GRIA3: variants seen among roughly 807,000 people sequenced by gnomAD.
GRIA3 encodes glutamate ionotropic receptor AMPA type subunit 3.
Under a neutral mutation model 63.0 loss-of-function variants are expected in GRIA3, and 3 were observed. That is an observed-to-expected ratio of 0.05 (90% CI 0.02 to 0.12). GRIA3 has a LOEUF of 0.12. Ranked by LOEUF, GRIA3 falls within the 10% of genes least tolerant of loss-of-function variation. The probability of loss-of-function intolerance (pLI) is 1.00; values close to 1 mark genes in which losing one functional copy is unlikely to be tolerated. For synonymous variants in GRIA3, 274 were observed against 257.9 expected (o/e 1.06, Z -0.60); for missense variants, 347 against 700.9 (o/e 0.50, Z 5.70).
intron 12 of GRIA3, among the ~76,000 whole-genome samples, chrX:123,449,006 G>A (rs2045716811): frequency 8.9e-6 from 1 of 112,152 alleles, no homozygotes; most frequent in African/African-American, 3.2e-5. Context: ...TCTCAGTGAG[G>A]TTGAATTATT....
At chrX:123,268,965 A>G (rs1282951863) in intron 3 of GRIA3, among the ~76,000 whole-genome samples, 3 of 112,286 alleles carry the variant, frequency 2.7e-5, no homozygotes, top group Non-Finnish European at 5.6e-5. Context: ...ACTGCTCTGT[A>G]TATAAGTGAT....
At chrX:123,336,730 C>T (rs1211045623) in intron 4 of GRIA3, among the ~76,000 whole-genome samples, 3 of 111,846 alleles carry the variant, frequency 2.7e-5, no homozygotes, top group South Asian at 3.8e-4. Context: ...ATTAAGCCAA[C>T]GACTAGCAAT....
chrX:123,280,288 T>C (rs1426076320), intron 3 of GRIA3, among the ~76,000 whole-genome samples: 1 of 112,385 alleles, frequency 8.9e-6, no homozygotes, highest in Non-Finnish European at 1.9e-5. Flanking sequence ...TTTCTTCTTT[T>C]CACTATAGTC....
intron 2 of GRIA3, among the ~76,000 whole-genome samples, chrX:123,224,503 C>G (rs2044235077): frequency 8.9e-6 from 1 of 111,824 alleles, no homozygotes; most frequent in Non-Finnish European, 1.9e-5. Flanking sequence ...ACCTATTCTC[C>G]TCGTTTTTTT....
chrX:123,192,720 G>A (rs1179427164), intron 2 of GRIA3, among the ~76,000 whole-genome samples: 1 of 111,715 alleles, frequency 9.0e-6, no homozygotes, highest in Non-Finnish European at 1.9e-5. Flanking sequence ...GTGCAGGGGA[G>A]CAAGGATAAG....
At chrX:123,409,484 T>C (rs765385157) in intron 10 of GRIA3, among the ~76,000 whole-genome samples, 3 of 111,795 alleles carry the variant, frequency 2.7e-5, no homozygotes, top group Admixed American at 9.5e-5. Flanking sequence ...CAAACCTCAG[T>C]AGGACACAAT....
At chrX:123,304,732 A>G (rs1353510352) in intron 3 of GRIA3, among the ~76,000 whole-genome samples, 1 of 112,238 alleles carries the variant, frequency 8.9e-6, no homozygotes, top group Non-Finnish European at 1.9e-5. Flanking sequence ...TAGTTTGAAG[A>G]ATTAAATAAA....
chrX:123,186,895 A>G (rs1393089592), intron 2 of GRIA3, among the ~76,000 whole-genome samples: 1 of 112,183 alleles, frequency 8.9e-6, no homozygotes, highest in Non-Finnish European at 1.9e-5. Flanking sequence ...AAAAGGGGAC[A>G]TTTTGTAAAA....
At chrX:123,457,610 T>C (rs1181675113) in intron 12 of GRIA3, among the ~76,000 whole-genome samples, 2 of 112,664 alleles carry the variant, frequency 1.8e-5, no homozygotes, top group South Asian at 3.7e-4. Context: ...GGAATAGAGA[T>C]GTTACAAACA....
intron 2 of GRIA3, among the ~76,000 whole-genome samples, chrX:123,248,584 G>C (rs1040258425): frequency 9.0e-6 from 1 of 111,174 alleles, no homozygotes; most frequent in Non-Finnish European, 1.9e-5. Flanking sequence ...TCGGGAGTTC[G>C]AGACCAGCCT....
intron 2 of GRIA3, among the ~76,000 whole-genome samples, chrX:123,201,837 G>C (rs1435877345): frequency 1.8e-5 from 2 of 111,774 alleles, no homozygotes; most frequent in East Asian, 5.6e-4. Context: ...TTTATTCCAG[G>C]TGAGAAAAGT....
chrX:123,196,282 C>G (rs974728601), intron 2 of GRIA3, among the ~76,000 whole-genome samples: 2 of 111,710 alleles, frequency 1.8e-5, no homozygotes, highest in African/African-American at 6.5e-5. Flanking sequence ...CTAACCCAAT[C>G]TGGTCATTGA....
chrX:123,451,679 G>T (rs1340294601), intron 12 of GRIA3, among the ~76,000 whole-genome samples: 1 of 109,203 alleles, frequency 9.2e-6, no homozygotes, highest in East Asian at 2.9e-4. Context: ...AGGCCAAAGA[G>T]AGGAGTCAAG....
At chrX:123,293,878 G>A (rs1471365508) in intron 3 of GRIA3, among the ~76,000 whole-genome samples, 1 of 110,226 alleles carries the variant, frequency 9.1e-6, no homozygotes, top group African/African-American at 3.3e-5. Context: ...TTAAGACATT[G>A]AGGCATAGAG....
Position 123,465,059 on chromosome X carries a change from A to C in GRIA3, c.2271A>C (p.Gly757=). 8.3e-7 allele frequency: 1 copy of C among 1,209,274 alleles called. No homozygotes were observed. The highest frequency in any genetic ancestry group is 1.1e-6 in the Non-Finnish European group (1 of 893,283). ...RKPCDTMKVG[G]NLDSKGYGVA... ...CATGTGATACGATGAAAGTTGGTGG[A>C]AATCTGGATTCCAAAGGCTATGGTG... Residue 757 remains glycine, a synonymous_variant, in exon 13 of 16, where the codon GGA becomes GGC. Transcript: ENST00000620443.
At chrX:123,317,949 G>A (rs753892598) in intron 3 of GRIA3, among the ~76,000 whole-genome samples, 1 of 112,888 alleles carries the variant, frequency 8.9e-6, no homozygotes, top group South Asian at 3.6e-4. Flanking sequence ...GGGCATCCAG[G>A]CATTTCCATA....
chrX:123,259,222 G>A (rs5958203), intron 3 of GRIA3, among the ~76,000 whole-genome samples: 4,744 of 111,149 alleles, frequency 0.043, 258 homozygotes, highest in African/African-American at 0.15. Flanking sequence ...AAGGAGAAAA[G>A]GGCCTGTCCT....
intron 15 of GRIA3, among the ~76,000 whole-genome samples, chrX:123,485,734 CTCTT>C (rs1398813244): frequency 8.9e-6 from 1 of 111,931 alleles, no homozygotes; most frequent in African/African-American, 3.3e-5. Context: ...GACCTCCAGA[CTCTT>C]TATCAACGAT....
intron 8 of GRIA3, 57 bp from the exon 9 acceptor site, chrX:123,403,355 T>C: frequency 2.6e-6 from 2 of 780,081 alleles, no homozygotes; most frequent in South Asian, 4.1e-5. Context: ...TTCAATTTCA[T>C]GCAGTACTTT....
Sources: gnomAD v4.1 joint callset for allele counts (sites outside exome capture counted in the v4.1 genomes callset) on GRCh38, gnomAD v4.1.1 for gene constraint, MANE v1.5 for transcripts, NCBI Gene and HGNC (gene_info 2026-07-23, HGNC 2026-07-21) for gene names.